The following LILRB1 variants were observed in gnomAD, a reference collection of about 807,000 sequenced individuals.
The protein encoded by LILRB1 is leukocyte immunoglobulin-like receptor subfamily B member 1.
Under a neutral mutation model 74.6 loss-of-function variants are expected in LILRB1, and 59 were observed. The observed-to-expected ratio is 0.79, with a 90% confidence interval of 0.64 to 0.98. The LOEUF is 0.98. LILRB1 is among the 50% of genes least tolerant of loss of function. The pLI, the probability that LILRB1 is intolerant of heterozygous loss-of-function variation, is 0.00. For missense variants in LILRB1, 804 were observed against 822.6 expected (o/e 0.98, Z 0.28); for synonymous variants, 328 against 333.9 (o/e 0.98, Z 0.19).
rs776145791 is a variant in LILRB1 at position 54,631,485 on chromosome 19, C to G, written c.71-15C>G. On this transcript the variant is annotated splice_polypyrimidine_tract_variant and intron_variant, in intron 3 of 14. Transcript: ENST00000324602. ...TGGGAAATGAGTTAGAATCTGACTC[C>G]TGATTTCCTTCCAGGGCACCTCCCC... 1 of 1,601,006 alleles carries G rather than the reference C, an allele frequency of 6.2e-7. No homozygotes were observed. The highest frequency in any genetic ancestry group is 1.3e-5 in the African/African-American group (1 of 74,266).
rs897988339 is a variant in LILRB1 at position 54,635,049 on chromosome 19, C to G, written c.1487-55C>G. 28 of 1,259,010 alleles carry G rather than the reference C, an allele frequency of 2.2e-5. No homozygotes were observed. The African/African-American group carries it at 3.0e-4, about 14-fold the overall frequency. The allele number at this position is 1,259,010 out of a possible 1,614,324, so 78.0% of individuals were successfully genotyped here. A position where few individuals can be genotyped will look rare whatever the true frequency, so the allele number is the denominator to read the frequency against. ...CTTCCTTACCTTCGAGCTGTGTGTG[C>G]AGGGCAGGGGGCTCCAATGTTCCCA... is the stretch of plus-strand genomic sequence containing the variant. On this transcript the variant is annotated intron_variant, in intron 10 of 14. Coordinates refer to ENST00000324602, the MANE Select transcript of LILRB1 (RefSeq NM_001081637.3).
upstream of LILRB1, among the ~76,000 whole-genome samples, chr19:54,629,235 C>T (rs1185078028): frequency 3.3e-5 from 5 of 152,130 alleles, no homozygotes; most frequent in Admixed American, 6.5e-5. Flanking sequence ...GAGACAATGT[C>T]GGGGCTGGAG....
At chr19:54,619,486 C>G (rs1372448196) in intron 1 of LILRB1, among the ~76,000 whole-genome samples, 1 of 152,058 alleles carries the variant, frequency 6.6e-6, no homozygotes, top group African/African-American at 2.4e-5. Flanking sequence ...TTAACTTATT[C>G]TTAATGCAAA....
chr19:54,635,049 C>T, intron 10 of LILRB1, 55 bp from the exon 11 acceptor site: 1 of 1,259,008 alleles, frequency 7.9e-7, no homozygotes, highest in Non-Finnish European at 1.1e-6. Context: ...GCTGTGTGTG[C>T]AGGGCAGGGG....
chr19:54,634,859 G>A, intron 10 of LILRB1, 96 bp downstream of exon 10: 1 of 1,541,704 alleles, frequency 6.5e-7, no homozygotes, highest in Non-Finnish European at 8.8e-7. Context: ...GCAGCTTTGA[G>A]AAACTGTTCC....
exon 1 of LILRB1, chr19:54,617,191 G>T (rs2063329207): frequency 6.6e-6 from 1 of 152,160 alleles, no homozygotes. Flanking sequence ...GAACAGAAAA[G>T]AAAAGAAAAG....
chr19:54,635,423 T>C, intron 12 of LILRB1, 127 bp downstream of exon 12: 3 of 1,517,034 alleles, frequency 2.0e-6, no homozygotes, highest in Non-Finnish European at 2.7e-6. Flanking sequence ...CACCCCACAC[T>C]GTGGGGCCTC....
intron 1 of LILRB1, among the ~76,000 whole-genome samples, chr19:54,618,547 C>T (rs371462563): frequency 1.2e-4 from 18 of 152,262 alleles, no homozygotes; most frequent in Middle Eastern, 3.4e-3. Flanking sequence ...CGGTGGCTCA[C>T]GCCTGTAACC....
chr19:54,631,292 C>A lies in LILRB1; in HGVS notation c.56C>A (p.Thr19Asn), dbSNP rs374390409. 1.1e-5 allele frequency: 17 copies of A among 1,613,306 alleles called. No homozygotes were observed. The highest frequency in any genetic ancestry group is 1.4e-5 in the Non-Finnish European group (17 of 1,179,944). ...ICLGLSLGPR[T>N]HVQAGHLPKP... ...CCAGGGCTGAGTCTGGGCCCCCGGA[C>A]CCACGTGCAGGCAGGTGAGTCTGTC... Residue 19 changes from threonine (T) to asparagine (N), a missense_variant, in exon 3 of 15, where the codon ACC becomes AAC. Thr to Asn is a moderately conservative substitution (Grantham distance 65). Coordinates refer to ENST00000324602, the MANE Select transcript of LILRB1 (RefSeq NM_001081637.3).
In LILRB1 at chr19:54,636,361, C is replaced by G. The variant is rs867934206; in HGVS notation, c.1654-133C>G. The G allele has an allele frequency of 3.9e-5, 59 of 1,493,790 alleles. No homozygotes were observed. The South Asian group carries it at 5.7e-4, about 14-fold the overall frequency. The allele number at this position is 1,493,790 out of a possible 1,614,324, so 92.5% of individuals were successfully genotyped here. ...CACAGCGAGGGAGCGGCCAGACCCT[C>G]CACGGCCTTAGGGCGTCCCTGAGAT... On this transcript the variant is annotated intron_variant, in intron 13 of 14. Coordinates refer to ENST00000324602, the MANE Select transcript of LILRB1 (RefSeq NM_001081637.3).
At chr19:54,621,651 C>G (rs1026784560) in intron 1 of LILRB1, among the ~76,000 whole-genome samples, 10 of 151,636 alleles carry the variant, frequency 6.6e-5, no homozygotes, top group African/African-American at 2.4e-4. Context: ...TCTGTTCATT[C>G]TGTTGATTGT....
intron 10 of LILRB1, 36 bp downstream of exon 10, chr19:54,634,799 G>A (rs761251400): frequency 6.8e-6 from 11 of 1,609,580 alleles, no homozygotes; most frequent in South Asian, 2.2e-5. Context: ...AGGGCTGACC[G>A]AGGGTGGGCT....
chr19:54,628,829 A>C (rs1212781597), upstream of LILRB1, among the ~76,000 whole-genome samples: 4 of 152,202 alleles, frequency 2.6e-5, no homozygotes, highest in African/African-American at 4.8e-5. Context: ...CAGGGACATT[A>C]GAGTCTTGCC....
chr19:54,632,877 C>G (rs911383656), intron 6 of LILRB1, 117 bp downstream of exon 6: 10 of 1,542,422 alleles, frequency 6.5e-6, no homozygotes, highest in Middle Eastern at 2.2e-4. Context: ...GAGAGACAGA[C>G]AGAGACAGGG....
intron 9 of LILRB1, chr19:54,634,347 A>G: frequency 6.5e-7 from 1 of 1,539,982 alleles, no homozygotes; most frequent in African/African-American, 1.4e-5. Flanking sequence ...CAGGACGGTC[A>G]GGCTCTTTCC....
rs183166312 is a variant in LILRB1, at chr19:54,632,045, T to C, written c.469T>C (p.Cys157Arg). ...SQVAFDGFIL[C>R]KEGEDEHPQC... Reference sequence around the variant, plus strand: ...GGTGGCATTTGATGGCTTCATTCTGTGTAAGGAAGGAGAAGATGAACACCC... The same window carrying C: ...GGTGGCATTTGATGGCTTCATTCTGCGTAAGGAAGGAGAAGATGAACACCC... Residue 157 changes from cysteine to arginine, a missense_variant, in exon 5 of 15, where the codon TGT becomes CGT. Physicochemically the swap from Cys to Arg is radical, Grantham distance 180. Transcript: ENST00000324602. 1.2e-6 allele frequency: 2 copies of C among 1,614,194 alleles called. No individual in the cohort carries two copies. The highest frequency in any genetic ancestry group is 2.7e-5 in the African/African-American group (2 of 75,068).
upstream of LILRB1, among the ~76,000 whole-genome samples, chr19:54,625,498 G>A (rs1212588487): frequency 6.6e-6 from 1 of 152,134 alleles, no homozygotes; most frequent in Non-Finnish European, 1.5e-5. Context: ...GTAGGCCAAG[G>A]GGGGTCAGGG....
rs753222451 is a variant in LILRB1, at chr19:54,632,567, T to C, written c.765T>C (p.Phe255=). The part of the protein sequence containing the change: ...QCGSDAGYNR[F]VLYKDGERDF... ...GCTCTGATGCTGGCTACAACAGATT[T>C]GTTCTGTATAAGGACGGGGAACGTG... The change falls in exon 6 of 15, where the codon TTT becomes TTC. Residue 255 remains phenylalanine, a synonymous_variant. Coordinates refer to ENST00000324602, the MANE Select transcript of LILRB1 (RefSeq NM_001081637.3). 1.9e-5 allele frequency: 31 copies of C among 1,614,150 alleles called. No individual in the cohort carries two copies. The South Asian group carries it at 3.4e-4, about 18-fold the overall frequency.
upstream of LILRB1, among the ~76,000 whole-genome samples, chr19:54,628,079 C>T (rs914064022): frequency 6.6e-6 from 1 of 152,194 alleles, no homozygotes; most frequent in Admixed American, 6.5e-5. Flanking sequence ...GGAACAGGAC[C>T]TCACACTCTG....
Sources: gnomAD v4.1 joint callset for allele counts (sites outside exome capture counted in the v4.1 genomes callset) on GRCh38, gnomAD v4.1.1 for gene constraint, MANE v1.5 for transcripts, NCBI Gene and HGNC (gene_info 2026-07-23, HGNC 2026-07-21) for gene names.